CCDC18: variants seen among roughly 807,000 people sequenced by gnomAD.
The protein encoded by CCDC18 is coiled-coil domain-containing protein 18.
In CCDC18, 157 loss-of-function variants were observed where a neutral mutation model predicts 196.0. The observed-to-expected ratio is 0.80, with a 90% CI of 0.70 to 0.91. The LOEUF is 0.91. Ranked by LOEUF, CCDC18 falls within the 40% of genes least tolerant of loss-of-function variation. The pLI is 0.00. For synonymous variants in CCDC18, 482 were observed against 529.2 expected (o/e 0.91, Z 1.22); for missense variants, 1,465 against 1,611.6 (o/e 0.91, Z 1.56).
At position 93,264,862 on chromosome 1, in the gene CCDC18, T is replaced by A. The variant is rs1664288289; in HGVS notation, c.3846T>A (p.Asn1282Lys). 13 of 1,612,986 alleles carry A rather than the reference T, an allele frequency of 8.1e-6. No individual in the cohort carries two copies. The highest frequency in any genetic ancestry group is 1.1e-5 in the Non-Finnish European group (13 of 1,179,276). The change falls in exon 27 of 29, where the codon AAT becomes AAA. Residue 1282 changes from asparagine to lysine, a missense_variant. Coordinates refer to ENST00000690025, the MANE Select transcript of CCDC18 (RefSeq NM_001378204.1). ...SNLHQQVQDR[N>K]EVIEAANEAL... Reference sequence around the variant, plus strand: ...TGCATCAACAAGTCCAAGATAGGAATGAAGTAATTGAAGCTGCAAATGAAG... The same window carrying A: ...TGCATCAACAAGTCCAAGATAGGAAAGAAGTAATTGAAGCTGCAAATGAAG...
chr1:93,252,363 T>C (rs1429690239), intron 23 of CCDC18, among the ~76,000 whole-genome samples: 1 of 152,238 alleles, frequency 6.6e-6, no homozygotes, highest in African/African-American at 2.4e-5. Context: ...AAATAGTCCA[T>C]CTTCAAGCTC....
chr1:93,229,145 AC>A lies in CCDC18; in HGVS notation c.2292+2698del, dbSNP rs1433223330. On this transcript the variant is annotated intron_variant, in intron 17 of 28. Transcript: ENST00000690025. Reference sequence around the variant, plus strand: ...TACCTAGGCTCAAACTGAATTAGAAACCAGAAGTGGTAATCAGGTATATTTG... The same window carrying A: ...TACCTAGGCTCAAACTGAATTAGAAACAGAAGTGGTAATCAGGTATATTTG... 5.3e-5 allele frequency among the ~76,000 whole-genome samples: 8 copies of A among 152,270 alleles called. No individual in the cohort carries two copies. In the East Asian group the frequency reaches 1.5e-3, roughly 29 times the overall value.
rs761323771 is a variant in CCDC18 at position 93,239,657 on chromosome 1, A to G, written c.2768-26A>G. 1.1e-5 allele frequency: 16 copies of G among 1,495,310 alleles called. No individual in the cohort carries two copies. In the Admixed American group the frequency reaches 2.6e-4, roughly 24 times the overall value. 92.6% of individuals were successfully genotyped at this position (1,495,310 alleles called of 1,614,324 possible). A position where few individuals can be genotyped will look rare whatever the true frequency, so the allele number is the denominator to read the frequency against. On this transcript the variant is annotated intron_variant, in intron 20 of 28. Coordinates refer to ENST00000690025, the MANE Select transcript of CCDC18 (RefSeq NM_001378204.1). ...TGTAATAAATGGTTTACATATAGTT[A>G]TAAAATTATTCTCTCCTCTTAATAG...
rs1665127311 is a variant in CCDC18, at chr1:93,270,394, G to A, written c.3933G>A (p.Lys1311=). ...AGGCCAAAATTTCTGGACATGAAAA[G>A]GCAGAAGACATCAAGTTTCTGCCAG... The part of the protein sequence containing the change: ...RLQAKISGHE[K]AEDIKFLPAP... The change falls in exon 28 of 29, where the codon AAG becomes AAA. Residue 1311 remains lysine, a synonymous_variant. Coordinates refer to ENST00000690025, the MANE Select transcript of CCDC18 (RefSeq NM_001378204.1). The A allele has an allele frequency of 1.3e-6, 2 of 1,550,176 alleles. No individual in the cohort carries two copies. The highest frequency in any genetic ancestry group is 1.7e-4 in the Middle Eastern group (1 of 5,988).
intron 21 of CCDC18, among the ~76,000 whole-genome samples, chr1:93,245,770 T>A (rs1252715571): frequency 6.6e-6 from 1 of 152,130 alleles, no homozygotes; most frequent in East Asian, 1.9e-4. Flanking sequence ...TCCTTTGATC[T>A]GTGTATGAAA....
intron 26 of CCDC18, among the ~76,000 whole-genome samples, chr1:93,263,676 T>C (rs1337776003): frequency 6.6e-6 from 1 of 152,212 alleles, no homozygotes; most frequent in African/African-American, 2.4e-5. Flanking sequence ...AGTTCCAAAC[T>C]TTCTCACATC....
chr1:93,262,610 C>T (rs1192759195), intron 26 of CCDC18, among the ~76,000 whole-genome samples: 1 of 152,202 alleles, frequency 6.6e-6, no homozygotes, highest in African/African-American at 2.4e-5. Flanking sequence ...CAGCTCCACC[C>T]CTGTGGTTCT....
At chr1:93,219,575 T>C (rs1256870381) in intron 14 of CCDC18, among the ~76,000 whole-genome samples, 1 of 152,124 alleles carries the variant, frequency 6.6e-6, no homozygotes, top group Non-Finnish European at 1.5e-5. Flanking sequence ...GCATGGAAAA[T>C]GGATCATTCT....
intron 25 of CCDC18, among the ~76,000 whole-genome samples, chr1:93,257,249 A>AC (rs1663116062): frequency 2.1e-5 from 3 of 145,192 alleles, no homozygotes; most frequent in South Asian, 2.1e-4. Flanking sequence ...AAAAAAAAAA[A>AC]AAAAAAAAAA....
At position 93,193,623 on chromosome 1, in the gene CCDC18, G is replaced by A; in HGVS notation, c.577G>A (p.Glu193Lys). 1 of 1,578,566 alleles carries A rather than the reference G, an allele frequency of 6.3e-7. No homozygotes were observed. ...GTATCCTTTATTTTATAGAGAGGCA[G>A]AAAATAAGCTGGAACAGAGCCAGAA... ...SAQDKVLREA[E>K]NKLEQSQKMV... Residue 193 changes from glutamate (E) to lysine (K), a missense_variant, in exon 6 of 29, where the codon GAA (glutamate) becomes AAA (lysine). Coordinates refer to ENST00000690025, the MANE Select transcript of CCDC18 (RefSeq NM_001378204.1).
intron 12 of CCDC18, 148 bp from the exon 13 acceptor site, chr1:93,216,488 G>T (rs975558301): frequency 4.6e-6 from 2 of 436,576 alleles, no homozygotes; most frequent in Non-Finnish European, 8.2e-6. Flanking sequence ...TATTCACTTT[G>T]CATCCTAAAT....
chr1:93,228,286 A>G (rs1002836405), intron 17 of CCDC18, among the ~76,000 whole-genome samples: 4 of 152,116 alleles, frequency 2.6e-5, no homozygotes, highest in Non-Finnish European at 4.4e-5. Flanking sequence ...GGTCTGTCCA[A>G]TAGGAACTGG....
At position 93,270,338 on chromosome 1, in the gene CCDC18, T is replaced by G. The variant is rs1665121643; in HGVS notation, c.3886-9T>G. 6.7e-7 allele frequency: 1 copy of G among 1,495,946 alleles called. No homozygotes were observed. Among genetic ancestry groups the G allele is most frequent in the South Asian group, 1.2e-5 (1 of 81,284 alleles). 92.7% of individuals were successfully genotyped at this position (1,495,946 alleles called of 1,614,324 possible). The stretch of plus-strand genomic sequence containing the variant: ...ATTGAGCACCTACTATGTACCAATT[T>G]ATCTGCAGGAATCAGAATTAACCAG... On this transcript the variant is annotated splice_polypyrimidine_tract_variant and intron_variant, in intron 27 of 28. Transcript: ENST00000690025.
chr1:93,189,634 T>A (rs1405466210), intron 4 of CCDC18, among the ~76,000 whole-genome samples: 1 of 152,208 alleles, frequency 6.6e-6, no homozygotes, highest in African/African-American at 2.4e-5. Flanking sequence ...CAAACATTTG[T>A]TATTACCTGT....
chr1:93,254,334 C>A, intron 23 of CCDC18, 137 bp from the exon 24 acceptor site: 2 of 592,942 alleles, frequency 3.4e-6, no homozygotes, highest in East Asian at 3.3e-5. Context: ...TGCTTATTTC[C>A]AGGATACGAT....
chr1:93,258,628 T>G (rs1330094171), intron 25 of CCDC18, 120 bp from the exon 26 acceptor site: 1 of 678,264 alleles, frequency 1.5e-6, no homozygotes, highest in African/African-American at 1.9e-5. Flanking sequence ...AAGTTAACTT[T>G]GTGTCTGTGT....
At chr1:93,194,726 C>T (rs368867792) in intron 6 of CCDC18, among the ~76,000 whole-genome samples, 4 of 152,066 alleles carry the variant, frequency 2.6e-5, no homozygotes, top group South Asian at 2.1e-4. Context: ...AAGCTTTGCA[C>T]GTGGTTAGTT....
chr1:93,179,976 A>G, upstream of CCDC18: 1 of 1,440,652 alleles, frequency 6.9e-7, no homozygotes, highest in Non-Finnish European at 9.4e-7. Flanking sequence ...GTCCACCAGA[A>G]GTTTCTAAAC....
At chr1:93,201,836 C>G in intron 6 of CCDC18, 56 bp from the exon 7 acceptor site, 2 of 1,107,924 alleles carry the variant, frequency 1.8e-6, no homozygotes. Flanking sequence ...TGGAACTTAA[C>G]TCTTCAAATG....
Sources: gnomAD v4.1 joint callset for allele counts (sites outside exome capture counted in the v4.1 genomes callset) on GRCh38, gnomAD v4.1.1 for gene constraint, MANE v1.5 for transcripts, NCBI Gene and HGNC (gene_info 2026-07-23, HGNC 2026-07-21) for gene names.